MAP3K2: variants seen among roughly 807,000 people sequenced by gnomAD.
MAP3K2 encodes mitogen-activated protein kinase kinase kinase 2.
MAP3K2 carries 24 observed loss-of-function variants against 80.3 expected under a neutral mutation model. The observed-to-expected ratio is 0.30, with a 90% CI of 0.22 to 0.42. The LOEUF (loss-of-function observed/expected upper bound fraction) is 0.42. MAP3K2 is among the 10% of genes least tolerant of loss of function. The pLI is 1.00. For missense variants in MAP3K2, 608 were observed against 750.1 expected (o/e 0.81, Z 2.21); for synonymous variants, 244 against 253.7 (o/e 0.96, Z 0.36).
intron 9 of MAP3K2, among the ~76,000 whole-genome samples, chr2:127,324,650 A>G (rs535242251): frequency 6.6e-6 from 1 of 152,330 alleles, no homozygotes; most frequent in Admixed American, 6.5e-5. Flanking sequence ...TCAAATATAT[A>G]GCTTTCTCGT....
At chr2:127,348,520 A>G (rs1206698783) in intron 1 of MAP3K2, among the ~76,000 whole-genome samples, 1 of 152,212 alleles carries the variant, frequency 6.6e-6, no homozygotes, top group Non-Finnish European at 1.5e-5. Flanking sequence ...TTCCACTTAC[A>G]TGAAATGTCT....
chr2:127,375,193 T>C lies in MAP3K2; in HGVS notation c.-66+12259A>G, dbSNP rs141241539. 6.7e-4 allele frequency among the ~76,000 whole-genome samples: 102 copies of C among 152,094 alleles called. 1 individual carries two copies. Among genetic ancestry groups the C allele is most frequent in the African/African-American group, 2.3e-3 (95 of 41,494 alleles). On this transcript the variant is annotated intron_variant, in intron 1 of 16. Transcript: ENST00000682094. Reference sequence around the variant, plus strand: ...TATTCCAGCATAATGCATCGAACCATACCATGGTGTGGCTAGGACCCAACC... The same window carrying C: ...TATTCCAGCATAATGCATCGAACCACACCATGGTGTGGCTAGGACCCAACC...
rs766739878 is a variant in MAP3K2, at chr2:127,325,801, C to A, written c.604G>T (p.Asp202Tyr). The change falls in exon 9 of 17, where the codon GAT becomes TAT. Residue 202 changes from aspartate to tyrosine, a missense_variant. Asp to Tyr is a radical substitution (Grantham distance 160, BLOSUM62 -3). Around this residue, in one of 4 missense-constraint regions of MAP3K2, gnomAD observed 467 missense variants for 521.9 expected, o/e 0.89. Transcript: ENST00000682094. ...FIPESMDQML[D>Y]PLSLSSPENS... ...TCAGGGCTGCTTAAAGATAATGGAT[C>A]CAGCATCTAGGAAAAAAAGGAGTTC... 1 of 1,611,824 alleles carries A rather than the reference C, an allele frequency of 6.2e-7. No individual in the cohort carries two copies. Among genetic ancestry groups the A allele is most frequent in the Admixed American group, 1.7e-5 (1 of 59,880 alleles).
intron 1 of MAP3K2, among the ~76,000 whole-genome samples, chr2:127,376,759 T>C (rs1189889945): frequency 6.6e-6 from 1 of 152,188 alleles, no homozygotes; most frequent in African/African-American, 2.4e-5. Context: ...AATAATAGTC[T>C]ACAACTAGTT....
Position 127,323,887 on chromosome 2 carries a change from T to C in MAP3K2, c.838+15A>G, listed in dbSNP as rs976701874. On this transcript the variant is annotated intron_variant, in intron 11 of 16. Transcript: ENST00000682094. The stretch of plus-strand genomic sequence containing the variant: ...TTTTTTAACTATTCTTGTGGTCTAA[T>C]TGCTAGAAACTTACCATCATTATAC... 5 of 1,293,036 alleles carry C rather than the reference T, an allele frequency of 3.9e-6. No individual in the cohort carries two copies. Among genetic ancestry groups the C allele is most frequent in the East Asian group, 2.4e-5 (1 of 41,674 alleles). 80.1% of individuals were successfully genotyped at this position (1,293,036 alleles called of 1,614,324 possible).
Position 127,310,288 on chromosome 2 carries a change from C to T in MAP3K2, c.1457-1526G>A, listed in dbSNP as rs115032844. On this transcript the variant is annotated intron_variant, in intron 15 of 16. Transcript: ENST00000682094. The surrounding 1 kb of genome is among the most constrained non-coding windows in gnomAD (Gnocchi z 4.8). ...CCAGGCTCATCTTGTATATTTCCTGCACCAGTGCTAGAATCAGCCATTTCT... is the reference window on the plus strand; with the variant it reads ...CCAGGCTCATCTTGTATATTTCCTGTACCAGTGCTAGAATCAGCCATTTCT... Among the ~76,000 whole-genome samples, 2,527 of 152,184 alleles carry T rather than the reference C, an allele frequency of 0.017. 71 individuals carry two copies. Among genetic ancestry groups the T allele is most frequent in the African/African-American group, 0.057 (2,367 of 41,486 alleles).
intron 15 of MAP3K2, among the ~76,000 whole-genome samples, chr2:127,313,376 G>T (rs928721699): frequency 6.6e-6 from 1 of 152,198 alleles, no homozygotes; most frequent in African/African-American, 2.4e-5. Flanking sequence ...TGCCTAAGAT[G>T]CGTAGATCAT....
At position 127,364,910 on chromosome 2, in the gene MAP3K2, C is replaced by G. The variant is rs1210941651; in HGVS notation, c.-65-21716G>C. Among the ~76,000 whole-genome samples, 1 of 151,926 alleles carries G rather than the reference C, an allele frequency of 6.6e-6. No homozygotes were observed. ...TGGAAGGCCAAGGCAGGCAGATCAC[C>G]TGAGGTCAGGAGTTTGAGACCGGCC... On this transcript the variant is annotated intron_variant, in intron 1 of 16. Transcript: ENST00000682094. This position sits in a 1 kb window ranked among gnomAD's most constrained non-coding sequence, Gnocchi z 4.1.
At position 127,317,743 on chromosome 2, in the gene MAP3K2, C is replaced by T. The variant is rs11899533; in HGVS notation, c.1212G>A (p.Glu404=). The T allele has an allele frequency of 3.3e-3, 5,308 of 1,602,188 alleles. 147 individuals carry two copies. In the African/African-American group the frequency reaches 0.062, roughly 19 times the overall value. The part of the protein sequence containing the change: ...PETSKEVNAL[E]CEIQLLKNLL... ...AGTTTTTCAGCAACTGAATTTCACACTCAAGTGCATTTACTTCCTGAAAGA... is the reference window on the plus strand; with the variant it reads ...AGTTTTTCAGCAACTGAATTTCACATTCAAGTGCATTTACTTCCTGAAAGA... Residue 404 remains glutamate, a synonymous_variant, in exon 14 of 17, where the codon GAG becomes GAA. Coordinates refer to ENST00000682094, the MANE Select transcript of MAP3K2 (RefSeq NM_001371910.2).
intron 14 of MAP3K2, among the ~76,000 whole-genome samples, 163 bp downstream of exon 14, chr2:127,317,466 A>G (rs1485599464): frequency 6.6e-6 from 1 of 152,192 alleles, no homozygotes; most frequent in Non-Finnish European, 1.5e-5. Context: ...AAATACAAAG[A>G]CAGAGGAAGA....
chr2:127,372,441 G>A (rs940768814), intron 1 of MAP3K2, among the ~76,000 whole-genome samples: 3 of 152,100 alleles, frequency 2.0e-5, no homozygotes, highest in East Asian at 1.9e-4. Context: ...TTGGACACAC[G>A]GATGGATATT....
intron 12 of MAP3K2, among the ~76,000 whole-genome samples, chr2:127,320,794 T>C (rs1320956492): frequency 6.6e-6 from 1 of 152,108 alleles, no homozygotes; most frequent in African/African-American, 2.4e-5. Context: ...AGGAAGTATA[T>C]AAGCCAGAAG....
rs369586118 is a variant in MAP3K2 at position 127,305,220 on chromosome 2, T to TA, written c.*2358dup. Reference sequence around the variant, plus strand: ...GAAAAGCACAACTACACAAGACAGATATGAAGGAAAAGCCCACTGGTCAAG... The same window carrying TA: ...GAAAAGCACAACTACACAAGACAGATAATGAAGGAAAAGCCCACTGGTCAAG... On this transcript the variant is annotated 3_prime_UTR_variant, in exon 17 of 17. Transcript: ENST00000682094. 2.3e-3 allele frequency: 353 copies of TA among 152,646 alleles called. 1 individual carries two copies. The highest frequency in any genetic ancestry group is 7.7e-3 in the African/African-American group (320 of 41,550). The allele number at this position is 152,646 out of a possible 1,614,324, so 9.5% of individuals were successfully genotyped here.
intron 1 of MAP3K2, among the ~76,000 whole-genome samples, chr2:127,367,254 ACTTAT>A (rs763689877): frequency 4.6e-5 from 7 of 152,192 alleles, no homozygotes; most frequent in Non-Finnish European, 7.4e-5. Context: ...GCAACCCTCT[ACTTAT>A]CTTGTTTCCT....
intron 1 of MAP3K2, among the ~76,000 whole-genome samples, chr2:127,349,296 G>GACT (rs1686651700): frequency 6.6e-6 from 1 of 152,022 alleles, no homozygotes; most frequent in African/African-American, 2.4e-5. Context: ...AAGTAGCTGG[G>GACT]ACTACAGGTA....
At chr2:127,360,626 T>C (rs1055663639) in intron 1 of MAP3K2, among the ~76,000 whole-genome samples, 1 of 152,230 alleles carries the variant, frequency 6.6e-6, no homozygotes, top group South Asian at 2.1e-4. Flanking sequence ...TATTCTTTAA[T>C]GCTACTAGCT....
intron 3 of MAP3K2, 77 bp downstream of exon 3, chr2:127,338,855 A>T (rs944312575): frequency 2.1e-5 from 20 of 938,934 alleles, no homozygotes; most frequent in Non-Finnish European, 3.1e-5. Flanking sequence ...AAAGCTGAAC[A>T]CATTAAACAA....
chr2:127,362,015 T>C (rs1420957548), intron 1 of MAP3K2, among the ~76,000 whole-genome samples: 1 of 152,220 alleles, frequency 6.6e-6, no homozygotes, highest in Non-Finnish European at 1.5e-5. Context: ...TTAAAGGCAA[T>C]ATTCAACTCT....
intron 1 of MAP3K2, among the ~76,000 whole-genome samples, chr2:127,352,186 A>G (rs1686702616): frequency 6.6e-6 from 1 of 151,898 alleles, no homozygotes; most frequent in Admixed American, 6.6e-5. Flanking sequence ...CAACTTCCCT[A>G]CTTTTGGTGT....
Sources: allele counts gnomAD v4.1 joint callset (sites outside exome capture counted in the v4.1 genomes callset), GRCh38; gene constraint gnomAD v4.1.1; regional missense constraint gnomAD v4.1.1; non-coding constraint Gnocchi (gnomAD v3.1); transcripts MANE v1.5; gene names NCBI Gene and HGNC (gene_info 2026-07-23, HGNC 2026-07-21).